Variants in THEMIS2 observed in about 807,000 individuals in gnomAD.
The protein encoded by THEMIS2 is thymocyte selection associated family member 2, also known as protein THEMIS2.
A neutral mutation model predicts 46.8 loss-of-function variants in THEMIS2; 29 were observed. The ratio of observed to expected loss-of-function variants is 0.62; its 90% CI spans 0.46 to 0.84. The LOEUF is 0.84. THEMIS2 is among the 40% of genes least tolerant of loss of function. THEMIS2 has a pLI of 0.00. For synonymous variants in THEMIS2, 335 were observed against 349.1 expected, an observed-to-expected ratio of 0.96 and a Z score of 0.45; for missense variants, 698 against 834.7, an observed-to-expected ratio of 0.84 and a Z score of 2.02.
chr1:27,886,204 C>T lies in THEMIS2; in HGVS notation c.*282C>T, dbSNP rs1381767793. ...GCAGCTGGCAGGGTTCCTCTCAATC[C>T]TGCAACCCCAGCTGTCCCACCGGTG... is the stretch of plus-strand genomic sequence containing the variant. On this transcript the variant is annotated 3_prime_UTR_variant, in exon 6 of 6. Transcript: ENST00000373921. 1 of 455,302 alleles carries T rather than the reference C, an allele frequency of 2.2e-6. No homozygotes were observed. The highest frequency in any genetic ancestry group is 2.0e-5 in the African/African-American group (1 of 50,418). 28.2% of individuals were successfully genotyped at this position (455,302 alleles called of 1,614,324 possible). A position where few individuals can be genotyped will look rare whatever the true frequency, so the allele number is the denominator to read the frequency against.
chr1:27,872,605 G>A lies in THEMIS2; in HGVS notation c.34G>A (p.Ala12Thr), dbSNP rs1313055288. The A allele has an allele frequency of 2.0e-6, 3 of 1,484,828 alleles. No homozygotes were observed. The highest frequency in any genetic ancestry group is 5.8e-5 in the East Asian group (2 of 34,602). The allele number at this position is 1,484,828 out of a possible 1,614,324, so 92.0% of individuals were successfully genotyped here. A position where few individuals can be genotyped will look rare whatever the true frequency, so the allele number is the denominator to read the frequency against. Residue 12 changes from alanine (A) to threonine (T), a missense_variant, in exon 1 of 6, where the codon GCC (alanine) becomes ACC (threonine). Coordinates refer to ENST00000373921, the MANE Select transcript of THEMIS2 (RefSeq NM_001105556.3). The surrounding 1 kb of genome is among the most constrained non-coding windows in gnomAD (Gnocchi z 4.9). ...GGTGCCGCTGCAGGACTTCGTGCGCGCCTTGGACCCCGCCTCCCTCCCGCG... is the reference window on the plus strand; with the variant it reads ...GGTGCCGCTGCAGGACTTCGTGCGCACCTTGGACCCCGCCTCCCTCCCGCG... ...EPVPLQDFVR[A>T]LDPASLPRVL...
chr1:27,879,787 G>A lies in THEMIS2; in HGVS notation c.379G>A (p.Asp127Asn). 4 of 1,614,126 alleles carry A rather than the reference G, an allele frequency of 2.5e-6. No homozygotes were observed. The highest frequency in any genetic ancestry group is 3.4e-6 in the Non-Finnish European group (4 of 1,179,992). The change falls in exon 3 of 6, where the codon GAC becomes AAC. Residue 127 changes from aspartate to asparagine, a missense_variant. By Grantham distance (23) the Asp-to-Asn change is conservative. Coordinates refer to ENST00000373921, the MANE Select transcript of THEMIS2 (RefSeq NM_001105556.3). ...IVTEGRVVTE[D>N]QLLMLEAVVM... ...CACAGAGGGCAGGGTGGTGACTGAGGACCAGCTCCTCATGCTTGAGGCTGT... is the reference window on the plus strand; with the variant it reads ...CACAGAGGGCAGGGTGGTGACTGAGAACCAGCTCCTCATGCTTGAGGCTGT...
At chr1:27,874,033 GTTT>G (rs1256524975) in intron 1 of THEMIS2, among the ~76,000 whole-genome samples, 1 of 97,128 alleles carries the variant, frequency 1.0e-5, no homozygotes, top group South Asian at 3.3e-4. Context: ...TTCAACCTAG[GTTT>G]TTTTTTTTTT....
At chr1:27,876,864 A>G (rs1468817096) in intron 2 of THEMIS2, 136 bp downstream of exon 2, 2 of 1,105,376 alleles carry the variant, frequency 1.8e-6, no homozygotes, top group East Asian at 2.6e-5. Context: ...CATTCACCAC[A>G]ACCCAGCCTC....
chr1:27,882,765 A>C lies in THEMIS2; in HGVS notation c.1441A>C (p.Ile481Leu), dbSNP rs545859600. ...SFLGLRLEEK[I>L]TEPFLVVSLD... ...CCTGGGCCTGCGGCTGGAGGAGAAG[A>C]TCACAGAGCCATTCTTGGTGGTGAG... is the stretch of plus-strand genomic sequence containing the variant. Residue 481 changes from isoleucine to leucine, a missense_variant, in exon 4 of 6, where the codon ATC becomes CTC. Transcript: ENST00000373921. This position sits in a 1 kb window ranked among gnomAD's most constrained non-coding sequence, Gnocchi z 7.6. 1.2e-6 allele frequency: 2 copies of C among 1,613,610 alleles called. No individual in the cohort carries two copies. The highest frequency in any genetic ancestry group is 2.2e-5 in the South Asian group (2 of 91,034).
Position 27,882,166 on chromosome 1 carries a change from G to A in THEMIS2, c.842G>A (p.Gly281Asp). 6.2e-7 allele frequency: 1 copy of A among 1,614,058 alleles called. No individual in the cohort carries two copies. Among genetic ancestry groups the A allele is most frequent in the Non-Finnish European group, 8.5e-7 (1 of 1,179,976 alleles). The change falls in exon 4 of 6, where the codon GGC becomes GAC. Residue 281 changes from glycine to aspartate, a missense_variant. Coordinates refer to ENST00000373921, the MANE Select transcript of THEMIS2 (RefSeq NM_001105556.3). The surrounding 1 kb of genome is among the most constrained non-coding windows in gnomAD (Gnocchi z 7.6). ...CCCATCTTCCTCAGCCCGTGGGTGG[G>A]CTCCTTGCAAAAAGGCCAGAGGCTT... ...GRPIFLSPWV[G>D]SLQKGQRLCV...
intron 4 of THEMIS2, 76 bp downstream of exon 4, chr1:27,883,119 T>A: frequency 7.8e-7 from 1 of 1,282,442 alleles, no homozygotes; most frequent in Non-Finnish European, 1.1e-6. Flanking sequence ...CTGCCTGTCA[T>A]GTTTCTCTTG....
rs371084168 is a variant in THEMIS2 at position 27,876,559 on chromosome 1, A to G, written c.95-29A>G. 293 of 1,607,768 alleles carry G rather than the reference A, an allele frequency of 1.8e-4. 1 individual carries two copies. Among genetic ancestry groups the G allele is most frequent in the Non-Finnish European group, 2.2e-4 (261 of 1,175,812 alleles). On this transcript the variant is annotated intron_variant, in intron 1 of 5. Coordinates refer to ENST00000373921, the MANE Select transcript of THEMIS2 (RefSeq NM_001105556.3). ...CTGCCCAGCACTTGGCCCTTGTCCA[A>G]TGGGGAAATGGAGTCCTTGTCTCCG...
At chr1:27,885,582 A>G in intron 5 of THEMIS2, 131 bp downstream of exon 5, 1 of 1,218,476 alleles carries the variant, frequency 8.2e-7, no homozygotes, top group Non-Finnish European at 1.1e-6. Context: ...ACAGGCCTCT[A>G]TGGGGTGGGC....
At chr1:27,879,103 G>A (rs879679576) in intron 2 of THEMIS2, among the ~76,000 whole-genome samples, 4 of 152,104 alleles carry the variant, frequency 2.6e-5, no homozygotes, top group Non-Finnish European at 4.4e-5. Flanking sequence ...AGCTGCTGGC[G>A]GAATGGGTGG....
chr1:27,872,571 C>T lies in THEMIS2; in HGVS notation c.-1C>T. 6.7e-7 allele frequency: 1 copy of T among 1,489,276 alleles called. No individual in the cohort carries two copies. Among genetic ancestry groups the T allele is most frequent in the Non-Finnish European group, 8.9e-7 (1 of 1,122,520 alleles). The allele number at this position is 1,489,276 out of a possible 1,614,324, so 92.3% of individuals were successfully genotyped here. On this transcript the variant is annotated 5_prime_UTR_variant, in exon 1 of 6. Coordinates refer to ENST00000373921, the MANE Select transcript of THEMIS2 (RefSeq NM_001105556.3). The surrounding 1 kb of genome is among the most constrained non-coding windows in gnomAD (Gnocchi z 4.9). Reference sequence around the variant, plus strand: ...TCTGAGCCCAGAGAGCCGCGGGGACCATGGAGCCGGTGCCGCTGCAGGACT... The same window carrying T: ...TCTGAGCCCAGAGAGCCGCGGGGACTATGGAGCCGGTGCCGCTGCAGGACT...
intron 1 of THEMIS2, among the ~76,000 whole-genome samples, chr1:27,873,636 C>CCA (rs2089527445): frequency 6.6e-6 from 1 of 152,144 alleles, no homozygotes; most frequent in African/African-American, 2.4e-5. Context: ...CACCACCTCG[C>CCA]AGTGGGTCTC....
chr1:27,873,036 G>T (rs1460581137), intron 1 of THEMIS2, among the ~76,000 whole-genome samples: 1 of 152,118 alleles, frequency 6.6e-6, no homozygotes, highest in African/African-American at 2.4e-5. Flanking sequence ...GAAGTGCAGG[G>T]TCAGTCTTCC....
intron 3 of THEMIS2, 128 bp from the exon 4 acceptor site, chr1:27,881,843 A>C: frequency 9.8e-6 from 2 of 203,898 alleles, no homozygotes; most frequent in Non-Finnish European, 9.0e-6. Flanking sequence ...ACTCCATCTC[A>C]AAAAAAAAAA....
Position 27,882,566 on chromosome 1 carries a change from A to G in THEMIS2, c.1242A>G (p.Ala414=). ...EDEEEECKEE[A]ESPERVLLPF... ...AGGAGGAAGAGTGCAAAGAGGAGGC[A>G]GAGAGCCCAGAGCGGGTCCTGCTGC... is the stretch of plus-strand genomic sequence containing the variant. The change falls in exon 4 of 6, where the codon GCA becomes GCG. Residue 414 remains alanine, a synonymous_variant. Coordinates refer to ENST00000373921, the MANE Select transcript of THEMIS2 (RefSeq NM_001105556.3). This position sits in a 1 kb window ranked among gnomAD's most constrained non-coding sequence, Gnocchi z 7.6. 1 of 1,614,154 alleles carries G rather than the reference A, an allele frequency of 6.2e-7. No homozygotes were observed. Among genetic ancestry groups the G allele is most frequent in the Non-Finnish European group, 8.5e-7 (1 of 1,180,010 alleles).
intron 1 of THEMIS2, among the ~76,000 whole-genome samples, chr1:27,874,469 C>A (rs754088275): frequency 1.2e-4 from 18 of 150,712 alleles, no homozygotes; most frequent in Non-Finnish European, 2.1e-4. Flanking sequence ...GGTGAGACAT[C>A]ATGTCTACAA....
At position 27,872,784 on chromosome 1, in the gene THEMIS2, C is replaced by G; in HGVS notation, c.94+119C>G. On this transcript the variant is annotated intron_variant, in intron 1 of 5. Coordinates refer to ENST00000373921, the MANE Select transcript of THEMIS2 (RefSeq NM_001105556.3). This position sits in a 1 kb window ranked among gnomAD's most constrained non-coding sequence, Gnocchi z 4.9. ...CTGGGTTCAAATCCCGACACTGCCA[C>G]TGGCCAAGCTGTGTGATTTGGGGCC... 3 of 801,124 alleles carry G rather than the reference C, an allele frequency of 3.7e-6. No homozygotes were observed. Among genetic ancestry groups the G allele is most frequent in the Middle Eastern group, 3.3e-4 (1 of 3,022 alleles). 49.6% of individuals were successfully genotyped at this position (801,124 alleles called of 1,614,324 possible).
In THEMIS2 at chr1:27,879,658, C is replaced by G. The variant is rs146409624; in HGVS notation, c.250C>G (p.Leu84Val). ...APNFQGYFTP[L>V]NTPQSYETLE... Reference sequence around the variant, plus strand: ...GTCCCCCACAGGCTACTTCACCCCCCTCAACACCCCACAGAGCTATGAAAC... The same window carrying G: ...GTCCCCCACAGGCTACTTCACCCCCGTCAACACCCCACAGAGCTATGAAAC... The change falls in exon 3 of 6, where the codon CTC becomes GTC. Residue 84 changes from leucine (L) to valine (V), a missense_variant. Transcript: ENST00000373921. The G allele has an allele frequency of 1.9e-6, 3 of 1,601,810 alleles. No individual in the cohort carries two copies. The highest frequency in any genetic ancestry group is 2.2e-5 in the East Asian group (1 of 44,608).
intron 3 of THEMIS2, among the ~76,000 whole-genome samples, chr1:27,880,637 T>C (rs538470286): frequency 2.8e-4 from 43 of 152,312 alleles, no homozygotes; most frequent in African/African-American, 1.0e-3. Flanking sequence ...AAAAATTTTT[T>C]TAAAAAATTA....
Sources: gnomAD v4.1 joint callset for allele counts (sites outside exome capture counted in the v4.1 genomes callset) on GRCh38, gnomAD v4.1.1 for gene constraint, Gnocchi (gnomAD v3.1) non-coding constraint, MANE v1.5 for transcripts, NCBI Gene and HGNC (gene_info 2026-07-23, HGNC 2026-07-21) for gene names.